Variants in EXOC4 observed in about 807,000 individuals in gnomAD.
The protein encoded by EXOC4 is SEC8-like 1.
Under a neutral mutation model 107.2 loss-of-function variants are expected in EXOC4, and 71 were observed. That is an observed-to-expected ratio of 0.66 (90% CI 0.55 to 0.81). The LOEUF (loss-of-function observed/expected upper bound fraction) is 0.81, where lower values mean the gene tolerates loss of function less well. EXOC4 is among the 30% of genes least tolerant of loss of function. EXOC4 has a pLI of 0.00. For missense variants in EXOC4, 1,108 were observed against 1,189.6 expected, an observed-to-expected ratio of 0.93 and a Z score of 1.01; for synonymous variants, 456 against 441.2, an observed-to-expected ratio of 1.03 and a Z score of -0.42.
intron 17 of EXOC4, among the ~76,000 whole-genome samples, chr7:134,040,387 G>A (rs1200606826): frequency 2.0e-5 from 3 of 152,034 alleles, no homozygotes; most frequent in Non-Finnish European, 2.9e-5. Flanking sequence ...TGTGACTCAC[G>A]GTGCAACCTC....
intron 9 of EXOC4, among the ~76,000 whole-genome samples, chr7:133,591,662 C>T (rs150977548): frequency 2.9e-4 from 44 of 151,926 alleles, no homozygotes; most frequent in Admixed American, 1.2e-3. Flanking sequence ...AAGAATACAT[C>T]TTTGGATCTA....
At chr7:133,695,383 C>G (rs1473945809) in intron 10 of EXOC4, among the ~76,000 whole-genome samples, 1 of 152,032 alleles carries the variant, frequency 6.6e-6, no homozygotes, top group Non-Finnish European at 1.5e-5. Context: ...TTGACAGACT[C>G]TTAGGTTGAT....
intron 9 of EXOC4, among the ~76,000 whole-genome samples, chr7:133,540,366 G>C (rs1800355358): frequency 6.6e-6 from 1 of 151,946 alleles, no homozygotes; most frequent in African/African-American, 2.4e-5. Context: ...AAATTTCTTA[G>C]GAACATACTG....
At chr7:133,340,295 C>A (rs1795628647) in intron 5 of EXOC4, among the ~76,000 whole-genome samples, 1 of 152,078 alleles carries the variant, frequency 6.6e-6, no homozygotes, top group Non-Finnish European at 1.5e-5. Context: ...TAATTCTGTT[C>A]ATGTGGTGTA....
At chr7:134,000,642 C>A (rs181516211) in intron 15 of EXOC4, among the ~76,000 whole-genome samples, 1 of 152,138 alleles carries the variant, frequency 6.6e-6, no homozygotes, top group Admixed American at 6.5e-5. Context: ...TTAAGAGGTA[C>A]AGAGGCTGTG....
intron 12 of EXOC4, among the ~76,000 whole-genome samples, chr7:133,904,436 A>C (rs561558800): frequency 8.4e-4 from 128 of 152,256 alleles, no homozygotes; most frequent in African/African-American, 2.9e-3. Context: ...AGCAAACTCT[A>C]TCTCTCTTGG....
At chr7:133,500,815 T>C (rs1326860901) in intron 9 of EXOC4, among the ~76,000 whole-genome samples, 2 of 152,234 alleles carry the variant, frequency 1.3e-5, no homozygotes. Context: ...TGTAGTGGTA[T>C]CTCATTATGG....
rs539553377 is a variant in EXOC4 at position 133,610,325 on chromosome 7, T to C, written c.1418-19720T>C. The stretch of plus-strand genomic sequence containing the variant: ...ATCTCCTTTATGAGACCACAACAAG[T>C]GGACTTTCAGCTTTTCTTAGGAAAA... On this transcript the variant is annotated intron_variant, in intron 9 of 17. Coordinates refer to ENST00000253861, the MANE Select transcript of EXOC4 (RefSeq NM_021807.4). Among the ~76,000 whole-genome samples, 17 of 152,346 alleles carry C rather than the reference T, an allele frequency of 1.1e-4. 1 individual carries two copies. The East Asian group carries it at 3.1e-3, about 28-fold the overall frequency.
At chr7:134,051,767 C>T (rs984397860) in intron 17 of EXOC4, among the ~76,000 whole-genome samples, 4 of 150,808 alleles carry the variant, frequency 2.7e-5, no homozygotes, top group African/African-American at 7.3e-5. Context: ...GGGTGGATCA[C>T]GAGGTCAGGA....
intron 10 of EXOC4, among the ~76,000 whole-genome samples, chr7:133,738,690 G>A (rs1273507080): frequency 6.6e-6 from 1 of 152,156 alleles, no homozygotes; most frequent in Non-Finnish European, 1.5e-5. Flanking sequence ...TTTTAAAGTA[G>A]TAATTATTAG....
Position 133,540,785 on chromosome 7 carries a change from A to G in EXOC4, c.1417+60647A>G, listed in dbSNP as rs1164381264. ...TTACTTGCAAAGCTAATAGCTTCCC[A>G]TTATATAGTAGAGAAAGGCTTTGTT... On this transcript the variant is annotated intron_variant, in intron 9 of 17. Transcript: ENST00000253861. Among the ~76,000 whole-genome samples the G allele has an allele frequency of 4.6e-5, 7 of 152,150 alleles. No homozygotes were observed. In the East Asian group the frequency reaches 1.3e-3, roughly 29 times the overall value.
intron 14 of EXOC4, among the ~76,000 whole-genome samples, chr7:133,981,332 T>C (rs1295145442): frequency 6.6e-6 from 1 of 152,168 alleles, no homozygotes; most frequent in Non-Finnish European, 1.5e-5. Context: ...TGCGATCAAA[T>C]GTATAAAGCT....
chr7:133,776,665 T>C (rs921345886), intron 10 of EXOC4, among the ~76,000 whole-genome samples: 34 of 152,326 alleles, frequency 2.2e-4, no homozygotes, highest in African/African-American at 7.7e-4. Context: ...CATCAACATA[T>C]TATTTTTTAA....
At position 133,619,392 on chromosome 7, in the gene EXOC4, A is replaced by G. The variant is rs148741068; in HGVS notation, c.1418-10653A>G. Among the ~76,000 whole-genome samples, 502 of 152,312 alleles carry G rather than the reference A, an allele frequency of 3.3e-3. 2 individuals are homozygous for G. The highest frequency in any genetic ancestry group is 4.2e-3 in the Non-Finnish European group (289 of 68,030). On this transcript the variant is annotated intron_variant, in intron 9 of 17. Coordinates refer to ENST00000253861, the MANE Select transcript of EXOC4 (RefSeq NM_021807.4). ...ACAATGACAGCATTTAAACAACACT[A>G]TTTCTTCTATATGAACTAGTACTAA...
chr7:133,487,514 G>C (rs753928450), intron 9 of EXOC4, among the ~76,000 whole-genome samples: 1 of 152,186 alleles, frequency 6.6e-6, no homozygotes, highest in Non-Finnish European at 1.5e-5. Flanking sequence ...TTCGTGACCA[G>C]CCTGACCAAT....
intron 11 of EXOC4, among the ~76,000 whole-genome samples, chr7:133,821,333 C>T (rs1358697271): frequency 6.6e-6 from 1 of 152,114 alleles, no homozygotes; most frequent in East Asian, 1.9e-4. Flanking sequence ...AGTAGTAGAA[C>T]TGTAATGCAA....
chr7:133,659,616 T>C (rs575023906), intron 10 of EXOC4, among the ~76,000 whole-genome samples: 39 of 152,298 alleles, frequency 2.6e-4, no homozygotes, highest in Middle Eastern at 3.4e-3. Flanking sequence ...TGTGGATTCC[T>C]GGTCCTTACG....
rs573131176 is a variant in EXOC4 at position 133,574,760 on chromosome 7, T to C, written c.1418-55285T>C. On this transcript the variant is annotated intron_variant, in intron 9 of 17. Coordinates refer to ENST00000253861, the MANE Select transcript of EXOC4 (RefSeq NM_021807.4). ...TACTCTCCTCTTCTTCTCTTCATGA[T>C]CTTTCTCATTATAACTTTGTCCGTT... Among the ~76,000 whole-genome samples the C allele has an allele frequency of 3.9e-5, 6 of 152,290 alleles. No individual in the cohort carries two copies. The East Asian group carries it at 1.2e-3, about 29-fold the overall frequency.
At chr7:133,714,385 C>T (rs192690125) in intron 10 of EXOC4, among the ~76,000 whole-genome samples, 2 of 152,296 alleles carry the variant, frequency 1.3e-5, no homozygotes, top group Admixed American at 1.3e-4. Flanking sequence ...ATTGTGTTAG[C>T]AAGTCATCCC....
Sources: allele counts gnomAD v4.1 joint callset (sites outside exome capture counted in the v4.1 genomes callset), GRCh38; gene constraint gnomAD v4.1.1; transcripts MANE v1.5; gene names NCBI Gene and HGNC (gene_info 2026-07-23, HGNC 2026-07-21).